The following PRIMPOL variants were observed in gnomAD, a reference collection of about 807,000 sequenced individuals.
PRIMPOL encodes the protein primase and DNA directed polymerase.
A neutral mutation model predicts 63.6 loss-of-function variants in PRIMPOL; 54 were observed. The ratio of observed to expected loss-of-function variants is 0.85; its 90% confidence interval spans 0.68 to 1.07. PRIMPOL has a LOEUF of 1.07. Among genes scored for constraint, PRIMPOL ranks in the 50% least tolerant of loss-of-function variants. The pLI, the probability that PRIMPOL is intolerant of heterozygous loss-of-function variation, is 0.00. For missense variants in PRIMPOL, 610 were observed against 648.3 expected (o/e 0.94, Z 0.64); for synonymous variants, 197 against 220.2 (o/e 0.89, Z 0.93).
At chr4:184,678,110 T>A in intron 7 of PRIMPOL, 122 bp from the exon 8 acceptor site, 1 of 529,244 alleles carries the variant, frequency 1.9e-6, no homozygotes, top group Non-Finnish European at 3.1e-6. Context: ...TTATTTTGTT[T>A]ACAGCTATAT....
intron 8 of PRIMPOL, among the ~76,000 whole-genome samples, chr4:184,681,432 C>T (rs1259190381): frequency 2.6e-5 from 4 of 152,138 alleles, no homozygotes; most frequent in African/African-American, 7.2e-5. Flanking sequence ...GTAACCCACA[C>T]GCATCCTCCC....
intron 7 of PRIMPOL, among the ~76,000 whole-genome samples, chr4:184,673,391 A>T (rs1752412422): frequency 6.7e-6 from 1 of 149,824 alleles, no homozygotes; most frequent in Non-Finnish European, 1.5e-5. Flanking sequence ...GGCCTCCCAA[A>T]GTACTGGGAT....
At chr4:184,679,693 G>C (rs1755081596) in intron 8 of PRIMPOL, among the ~76,000 whole-genome samples, 1 of 152,160 alleles carries the variant, frequency 6.6e-6, no homozygotes. Context: ...CAGTAGGCGA[G>C]CGAGCGAGCA....
intron 11 of PRIMPOL, among the ~76,000 whole-genome samples, chr4:184,690,283 G>A (rs1051444498): frequency 1.1e-4 from 16 of 151,878 alleles, no homozygotes; most frequent in Admixed American, 7.2e-4. Context: ...ACTGGCAAAA[G>A]TTGTTCACAA....
At chr4:184,673,081 G>A (rs1217957569) in intron 7 of PRIMPOL, among the ~76,000 whole-genome samples, 1 of 151,930 alleles carries the variant, frequency 6.6e-6, no homozygotes, top group Non-Finnish European at 1.5e-5. Context: ...TTTTTATACT[G>A]AGGCTCTAGC....
At chr4:184,667,552 T>C (rs545299768) in intron 6 of PRIMPOL, among the ~76,000 whole-genome samples, 90 of 152,256 alleles carry the variant, frequency 5.9e-4, no homozygotes, top group South Asian at 3.7e-3. Context: ...CCTTGTGATC[T>C]GCCCGCCTTG....
intron 7 of PRIMPOL, among the ~76,000 whole-genome samples, chr4:184,675,818 AAAAC>A (rs533032193): frequency 4.3e-4 from 66 of 152,276 alleles, no homozygotes; most frequent in East Asian, 7.7e-4. Context: ...CTCAGTATCA[AAAAC>A]AAACAAACAA....
intron 5 of PRIMPOL, among the ~76,000 whole-genome samples, chr4:184,665,502 C>CTTT (rs780043138): frequency 8.2e-5 from 11 of 133,900 alleles, no homozygotes; most frequent in South Asian, 2.4e-4. Flanking sequence ...GAATTAATGA[C>CTTT]TTTTTTTTTT....
chr4:184,691,650 T>TATC lies in PRIMPOL; in HGVS notation c.1379-15_1379-13dup. The TATC allele has an allele frequency of 6.2e-7, 1 of 1,610,594 alleles. No homozygotes were observed. Among genetic ancestry groups the TATC allele is most frequent in the Non-Finnish European group, 8.5e-7 (1 of 1,177,004 alleles). ...TAACTGTAATATGTAATAGTTTTGC[T>TATC]ATCTTTCTGATTCAGGTTTCCCATT... On this transcript the variant is annotated splice_polypyrimidine_tract_variant and intron_variant, in intron 12 of 13. Coordinates refer to ENST00000314970, the MANE Select transcript of PRIMPOL (RefSeq NM_152683.4).
chr4:184,667,343 C>T (rs1750230386), intron 6 of PRIMPOL, among the ~76,000 whole-genome samples: 1 of 151,994 alleles, frequency 6.6e-6, no homozygotes, highest in South Asian at 2.1e-4. Context: ...CAGAGTCTCG[C>T]TCTGTCGCCC....
rs1420815159 is a variant in PRIMPOL at position 184,652,109 on chromosome 4, A to T, written c.-60+9A>T. ...AACGTGGGGCATTCCAGGTAAGAGA[A>T]ATGTGTGCTGGGTGCGGGGGGAGGT... On this transcript the variant is annotated intron_variant, in intron 2 of 13. Coordinates refer to ENST00000314970, the MANE Select transcript of PRIMPOL (RefSeq NM_152683.4). 6.6e-6 allele frequency: 1 copy of T among 152,354 alleles called. No individual in the cohort carries two copies. Among genetic ancestry groups the T allele is most frequent in the Non-Finnish European group, 1.5e-5 (1 of 68,180 alleles). The allele number at this position is 152,354 out of a possible 1,614,324, so 9.4% of individuals were successfully genotyped here. A position where few individuals can be genotyped will look rare whatever the true frequency, so the allele number is the denominator to read the frequency against.
chr4:184,655,562 C>A (rs1746159640), intron 2 of PRIMPOL, among the ~76,000 whole-genome samples: 1 of 152,062 alleles, frequency 6.6e-6, no homozygotes, highest in African/African-American at 2.4e-5. Context: ...CCTCATGATC[C>A]ACCCGCCTCA....
At chr4:184,658,035 T>TAAATAAAAAAAA (rs1553988171) in intron 3 of PRIMPOL, among the ~76,000 whole-genome samples, 3 of 147,050 alleles carry the variant, frequency 2.0e-5, no homozygotes, top group Admixed American at 6.8e-5. Flanking sequence ...AATAAATAAA[T>TAAATAAAAAAAA]ATCACTAAAT....
At chr4:184,661,534 C>T (rs1004312822) in intron 4 of PRIMPOL, among the ~76,000 whole-genome samples, 9 of 152,018 alleles carry the variant, frequency 5.9e-5, no homozygotes, top group African/African-American at 1.9e-4. Flanking sequence ...TGGCGTAAAC[C>T]CTGTCTACTA....
chr4:184,676,386 T>TTC (rs1753420413), intron 7 of PRIMPOL, among the ~76,000 whole-genome samples: 1 of 15,764 alleles, frequency 6.3e-5, no homozygotes, highest in African/African-American at 3.1e-4. Flanking sequence ...TTCCCTTCCT[T>TTC]TCCCTTCCCT....
At chr4:184,675,745 A>C (rs1355871111) in intron 7 of PRIMPOL, among the ~76,000 whole-genome samples, 1 of 149,662 alleles carries the variant, frequency 6.7e-6, no homozygotes, top group Non-Finnish European at 1.5e-5. Context: ...TGAATCCGGG[A>C]GGCAGAGGTT....
intron 11 of PRIMPOL, among the ~76,000 whole-genome samples, chr4:184,687,075 T>A (rs1007056950): frequency 6.6e-6 from 1 of 152,168 alleles, no homozygotes; most frequent in Non-Finnish European, 1.5e-5. Flanking sequence ...ATAACACACT[T>A]TTTTTTATTT....
intron 2 of PRIMPOL, among the ~76,000 whole-genome samples, chr4:184,654,541 C>T (rs1030298697): frequency 4.1e-4 from 61 of 147,622 alleles, no homozygotes; most frequent in Non-Finnish European, 1.2e-4. Context: ...AGCTCTGCCT[C>T]CCGGGTTCAC....
chr4:184,684,711 T>A (rs769304627), intron 9 of PRIMPOL, among the ~76,000 whole-genome samples: 13 of 151,914 alleles, frequency 8.6e-5, no homozygotes, highest in Non-Finnish European at 1.5e-4. Context: ...GGGCTTGGAA[T>A]GGGTGGCTTG....
Sources: gnomAD v4.1 joint callset for allele counts (sites outside exome capture counted in the v4.1 genomes callset) on GRCh38, gnomAD v4.1.1 for gene constraint, MANE v1.5 for transcripts, NCBI Gene and HGNC (gene_info 2026-07-23, HGNC 2026-07-21) for gene names.